DIAPH2: variants seen among roughly 807,000 people sequenced by gnomAD.
DIAPH2 encodes diaphanous related formin 2, also known as protein diaphanous homolog 2.
In DIAPH2, 35 loss-of-function variants were observed where a neutral mutation model predicts 92.7. The observed-to-expected ratio is 0.38, with a 90% CI of 0.29 to 0.50. DIAPH2 has a LOEUF of 0.50. Among genes scored for constraint, DIAPH2 ranks in the 20% least tolerant of loss-of-function variants. The probability of loss-of-function intolerance (pLI) is 0.94; values close to 1 mark genes in which losing one functional copy is unlikely to be tolerated. For missense variants in DIAPH2, 701 were observed against 819.5 expected (o/e 0.86, Z 1.77); for synonymous variants, 301 against 280.4 (o/e 1.07, Z -0.73).
intron 22 of DIAPH2, among the ~76,000 whole-genome samples, chrX:97,159,343 A>G (rs2067348019): frequency 8.9e-6 from 1 of 112,305 alleles, no homozygotes; most frequent in Non-Finnish European, 1.9e-5. Flanking sequence ...TTAATTGAAT[A>G]ATATATTATG....
intron 26 of DIAPH2, among the ~76,000 whole-genome samples, chrX:97,541,973 T>A (rs1246983527): frequency 8.9e-6 from 1 of 112,183 alleles, no homozygotes; most frequent in Non-Finnish European, 1.9e-5. Flanking sequence ...GTAAATTGTA[T>A]GAGGGTTGCA....
intron 5 of DIAPH2, among the ~76,000 whole-genome samples, chrX:96,904,829 A>G (rs1194797461): frequency 9.0e-6 from 1 of 111,149 alleles, no homozygotes. Context: ...AAAAAAACAA[A>G]CCAAAACCCA....
At chrX:97,230,195 T>C (rs1332981369) in intron 22 of DIAPH2, among the ~76,000 whole-genome samples, 2 of 111,721 alleles carry the variant, frequency 1.8e-5, no homozygotes, top group African/African-American at 3.2e-5. Context: ...TCTTTTCAAA[T>C]ATTGATAAGA....
intron 5 of DIAPH2, among the ~76,000 whole-genome samples, chrX:96,904,234 A>T (rs2065418130): frequency 8.9e-6 from 1 of 112,196 alleles, no homozygotes; most frequent in African/African-American, 3.2e-5. Flanking sequence ...GATGCATTCA[A>T]ACTTTCTATG....
At chrX:96,887,965 G>A (rs1011375479) in intron 5 of DIAPH2, among the ~76,000 whole-genome samples, 4 of 110,187 alleles carry the variant, frequency 3.6e-5, no homozygotes, top group Middle Eastern at 9.4e-3. Context: ...TTGTGCGTGT[G>A]TGTATGTGTG....
At chrX:96,725,132 A>G (rs1328025968) in intron 1 of DIAPH2, among the ~76,000 whole-genome samples, 1 of 112,318 alleles carries the variant, frequency 8.9e-6, no homozygotes, top group East Asian at 2.8e-4. Flanking sequence ...AAAAAGTAAA[A>G]AAATTAAAAC....
At chrX:96,792,948 A>T (rs1287597387) in intron 4 of DIAPH2, among the ~76,000 whole-genome samples, 4 of 111,607 alleles carry the variant, frequency 3.6e-5, no homozygotes, top group African/African-American at 1.3e-4. Flanking sequence ...AATTAAAGTT[A>T]CTTTAAAATA....
intron 26 of DIAPH2, among the ~76,000 whole-genome samples, chrX:97,571,355 G>A (rs1033101584): frequency 8.9e-6 from 1 of 111,773 alleles, no homozygotes; most frequent in African/African-American, 3.2e-5. Context: ...TGGATAGGCT[G>A]CTTTTATGAT....
chrX:97,516,113 G>T (rs2070945761), intron 26 of DIAPH2, among the ~76,000 whole-genome samples: 1 of 110,552 alleles, frequency 9.0e-6, no homozygotes, highest in Non-Finnish European at 1.9e-5. Context: ...TTAGCTGGGT[G>T]TGGTGGCACA....
chrX:97,596,308 A>G, intron 26 of DIAPH2, among the ~76,000 whole-genome samples: 1 of 111,888 alleles, frequency 8.9e-6, no homozygotes, highest in Non-Finnish European at 1.9e-5. Flanking sequence ...CAATGTCCCC[A>G]ACAAGCATAT....
At chrX:96,922,715 A>G (rs2065554304) in intron 9 of DIAPH2, among the ~76,000 whole-genome samples, 1 of 111,735 alleles carries the variant, frequency 8.9e-6, no homozygotes. Flanking sequence ...GCGCCATACT[A>G]CATTTGGTGT....
At chrX:97,023,587 C>T (rs2066312192) in intron 17 of DIAPH2, among the ~76,000 whole-genome samples, 2 of 112,053 alleles carry the variant, frequency 1.8e-5, no homozygotes, top group Non-Finnish European at 3.8e-5. Flanking sequence ...GGATTCATAG[C>T]TCAGACTCAA....
intron 19 of DIAPH2, among the ~76,000 whole-genome samples, chrX:97,085,439 T>G (rs776702160): frequency 9.5e-4 from 106 of 111,583 alleles, no homozygotes; most frequent in African/African-American, 2.2e-3. Flanking sequence ...TTGTTTGTTT[T>G]TTTGAGATGG....
intron 4 of DIAPH2, among the ~76,000 whole-genome samples, chrX:96,829,581 C>T (rs755925599): frequency 2.7e-5 from 3 of 110,453 alleles, no homozygotes; most frequent in South Asian, 3.8e-4. Context: ...GCAACCTTCA[C>T]CTCCTGGGTT....
chrX:97,301,380 A>C (rs1458569030), intron 23 of DIAPH2, among the ~76,000 whole-genome samples: 1 of 110,998 alleles, frequency 9.0e-6, no homozygotes, highest in Non-Finnish European at 1.9e-5. Flanking sequence ...TAATTTATAT[A>C]ACATATCTTA....
intron 4 of DIAPH2, among the ~76,000 whole-genome samples, chrX:96,797,209 A>T (rs2064546977): frequency 9.1e-6 from 1 of 110,278 alleles, no homozygotes; most frequent in Non-Finnish European, 1.9e-5. Context: ...GGCCAGGTGC[A>T]GTGGCTCACG....
intron 4 of DIAPH2, among the ~76,000 whole-genome samples, chrX:96,856,107 G>A (rs2065037869): frequency 8.9e-6 from 1 of 112,017 alleles, no homozygotes; most frequent in African/African-American, 3.2e-5. Context: ...TAAAGTGTGT[G>A]TGGAGTGGAG....
At chrX:97,264,434 G>GACAC (rs371832874) in intron 23 of DIAPH2, among the ~76,000 whole-genome samples, 3 of 108,490 alleles carry the variant, frequency 2.8e-5, no homozygotes, top group East Asian at 2.9e-4. Context: ...TAGACACACA[G>GACAC]ACACACACAC....
chrX:97,554,683 C>T (rs1201334982), intron 26 of DIAPH2, among the ~76,000 whole-genome samples: 1 of 111,810 alleles, frequency 8.9e-6, no homozygotes, highest in Non-Finnish European at 1.9e-5. Flanking sequence ...CCTGGCTTTG[C>T]AACTTATATA....
Sources: allele counts gnomAD v4.1 joint callset (sites outside exome capture counted in the v4.1 genomes callset), GRCh38; gene constraint gnomAD v4.1.1; transcripts MANE v1.5; gene names NCBI Gene and HGNC (gene_info 2026-07-23, HGNC 2026-07-21).